The following UBE2E3 variants were observed in gnomAD, a reference collection of about 807,000 sequenced individuals.
UBE2E3 encodes ubiquitin-conjugating enzyme E2 E3.
In UBE2E3, 5 loss-of-function variants were observed where a neutral mutation model predicts 23.6. That is an observed-to-expected ratio of 0.21 (90% confidence interval 0.11 to 0.44). The LOEUF (loss-of-function observed/expected upper bound fraction) is 0.44. Among genes scored for constraint, UBE2E3 ranks in the 20% least tolerant of loss-of-function variants. The pLI is 0.99. For synonymous variants in UBE2E3, 78 were observed against 87.5 expected, an observed-to-expected ratio of 0.89 and a Z score of 0.60; for missense variants, 81 against 249.8, an observed-to-expected ratio of 0.32 and a Z score of 4.55.
intron 3 of UBE2E3, among the ~76,000 whole-genome samples, chr2:181,047,889 G>C (rs1315911993): frequency 6.6e-6 from 1 of 152,118 alleles, no homozygotes; most frequent in African/African-American, 2.4e-5. Context: ...ATAAAGACAA[G>C]TCTCCTTCAT....
At chr2:181,021,019 G>T (rs1034672495) in intron 3 of UBE2E3, among the ~76,000 whole-genome samples, 3 of 152,116 alleles carry the variant, frequency 2.0e-5, no homozygotes, top group African/African-American at 7.2e-5. Flanking sequence ...CTGATGAAAG[G>T]GTTATTACAT....
intron 3 of UBE2E3, among the ~76,000 whole-genome samples, chr2:181,016,863 T>G (rs7574282): frequency 0.23 from 35,364 of 152,126 alleles, 4,480 homozygotes; most frequent in Non-Finnish European, 0.28. Context: ...TCTCCCCTCA[T>G]GGGCAGTGGG....
chr2:181,030,375 AC>A (rs1228823156), intron 3 of UBE2E3, among the ~76,000 whole-genome samples: 1 of 151,976 alleles, frequency 6.6e-6, no homozygotes, highest in African/African-American at 2.4e-5. Context: ...GTGCAGTGGC[AC>A]GATCTCATCT....
Position 180,982,139 on chromosome 2 carries a change from G to C in UBE2E3, c.97G>C (p.Glu33Gln). 6.2e-7 allele frequency: 1 copy of C among 1,613,558 alleles called. No homozygotes were observed. The highest frequency in any genetic ancestry group is 8.5e-7 in the Non-Finnish European group (1 of 1,179,760). The change falls in exon 2 of 6, where the codon GAA (glutamate) becomes CAA (glutamine). Residue 33 changes from glutamate to glutamine, a missense_variant. By Grantham distance (29) the Glu-to-Gln change is conservative. Transcript: ENST00000410062. Reference protein sequence around the residue: ...DQRDPAAPEPEEQEERKPSAT... With the variant: ...DQRDPAAPEPQEQEERKPSAT... Reference sequence around the variant, plus strand: ...GCGAGACCCAGCCGCTCCAGAGCCTGAAGAACAAGAGGAAAGAAAACCTTC... The same window carrying C: ...GCGAGACCCAGCCGCTCCAGAGCCTCAAGAACAAGAGGAAAGAAAACCTTC...
chr2:181,031,869 C>T (rs941450368), intron 3 of UBE2E3, among the ~76,000 whole-genome samples: 9 of 152,158 alleles, frequency 5.9e-5, no homozygotes, highest in African/African-American at 2.2e-4. Context: ...TAATTTTAAT[C>T]AGCTCCTTTC....
chr2:181,008,896 G>C (rs1574177431), intron 3 of UBE2E3, among the ~76,000 whole-genome samples: 1 of 132,406 alleles, frequency 7.6e-6, no homozygotes, highest in Admixed American at 7.5e-5. Flanking sequence ...AGTCAGTCTT[G>C]CAGTATGTGC....
intron 3 of UBE2E3, among the ~76,000 whole-genome samples, chr2:181,047,726 G>C (rs951324908): frequency 2.0e-5 from 3 of 151,950 alleles, no homozygotes; most frequent in Non-Finnish European, 4.4e-5. Flanking sequence ...CTTTCACCCA[G>C]ATTACTGCAG....
At chr2:181,024,030 T>G (rs144466440) in intron 3 of UBE2E3, among the ~76,000 whole-genome samples, 1 of 152,264 alleles carries the variant, frequency 6.6e-6, no homozygotes, top group East Asian at 1.9e-4. Context: ...CTCCCAGTAC[T>G]CATGTTTGTT....
intron 3 of UBE2E3, among the ~76,000 whole-genome samples, chr2:181,006,765 C>T (rs776641536): frequency 3.3e-5 from 5 of 152,136 alleles, no homozygotes; most frequent in Non-Finnish European, 7.4e-5. Flanking sequence ...ACCCAACCTC[C>T]AAACATTTGT....
intron 3 of UBE2E3, among the ~76,000 whole-genome samples, chr2:181,014,864 C>T (rs1330101665): frequency 1.3e-5 from 2 of 152,056 alleles, no homozygotes; most frequent in Non-Finnish European, 1.5e-5. Context: ...TACAGATCTT[C>T]TCTTCGAGCT....
chr2:181,001,945 A>T (rs1203757473), intron 3 of UBE2E3, among the ~76,000 whole-genome samples: 1 of 152,218 alleles, frequency 6.6e-6, no homozygotes, highest in Non-Finnish European at 1.5e-5. Context: ...ATGTGTTTGT[A>T]CATGTCTTTG....
chr2:180,981,299 A>G (rs1425628790), intron 1 of UBE2E3: 1 of 151,700 alleles, frequency 6.6e-6, no homozygotes, highest in East Asian at 1.9e-4. Flanking sequence ...TGGGTTTCTT[A>G]TTTTTTTCGT....
chr2:181,003,160 C>T (rs937726890), intron 3 of UBE2E3, among the ~76,000 whole-genome samples: 11 of 152,122 alleles, frequency 7.2e-5, no homozygotes. Flanking sequence ...TTAGTATTCC[C>T]AGATAGAGGA....
intron 3 of UBE2E3, among the ~76,000 whole-genome samples, chr2:181,009,708 G>C (rs1685260055): frequency 6.6e-6 from 1 of 151,960 alleles, no homozygotes; most frequent in African/African-American, 2.4e-5. Context: ...CTACTTAAGT[G>C]ATAATTGTGA....
At chr2:181,030,908 A>G (rs1212154941) in intron 3 of UBE2E3, among the ~76,000 whole-genome samples, 1 of 152,116 alleles carries the variant, frequency 6.6e-6, no homozygotes, top group East Asian at 1.9e-4. Context: ...AAAATTTAAA[A>G]AAAATTTTAG....
At chr2:181,030,456 T>C (rs1446458871) in intron 3 of UBE2E3, among the ~76,000 whole-genome samples, 1 of 152,296 alleles carries the variant, frequency 6.6e-6, no homozygotes, top group East Asian at 1.9e-4. Flanking sequence ...TATTATCTTT[T>C]TTCAATATGA....
At chr2:180,986,514 C>G (rs1166669934) in intron 3 of UBE2E3, among the ~76,000 whole-genome samples, 2 of 152,052 alleles carry the variant, frequency 1.3e-5, no homozygotes, top group Non-Finnish European at 2.9e-5. Flanking sequence ...CTGTGACAGA[C>G]TGTGGTGTTA....
chr2:180,982,067 G>A lies in UBE2E3; in HGVS notation c.25G>A (p.Asp9Asn). The A allele has an allele frequency of 6.2e-7, 1 of 1,605,890 alleles. No individual in the cohort carries two copies. ...GATGTCCAGTGATAGGCAAAGGTCC[G>A]ATGATGAGAGCCCCAGCACCAGCAG... is the stretch of plus-strand genomic sequence containing the variant. MSSDRQRS[D>N]DESPSTSSGS... Residue 9 changes from aspartate (D) to asparagine (N), a missense_variant, in exon 2 of 6, where the codon GAT becomes AAT. Physicochemically the swap from Asp to Asn is conservative, Grantham distance 23. Transcript: ENST00000410062.
In UBE2E3 at chr2:180,980,759, G is replaced by C. The variant is rs2105556782; in HGVS notation, c.-240G>C. On this transcript the variant is annotated 5_prime_UTR_variant, in exon 1 of 6. Coordinates refer to ENST00000410062, the MANE Select transcript of UBE2E3 (RefSeq NM_006357.4). The surrounding 1 kb of genome is among the most constrained non-coding windows in gnomAD (Gnocchi z 5.5). Reference sequence around the variant, plus strand: ...ACCCCCGCTTTTTTCCGAAGGCGCTGGGCGGCGCCACCCTCCGGCCGGAGC... The same window carrying C: ...ACCCCCGCTTTTTTCCGAAGGCGCTCGGCGGCGCCACCCTCCGGCCGGAGC... 6.7e-6 allele frequency: 1 copy of C among 149,082 alleles called. No homozygotes were observed. Among genetic ancestry groups the C allele is most frequent in the East Asian group, 2.0e-4 (1 of 5,070 alleles). 9.2% of individuals were successfully genotyped at this position (149,082 alleles called of 1,614,324 possible).
Sources: allele counts gnomAD v4.1 joint callset (sites outside exome capture counted in the v4.1 genomes callset), GRCh38; gene constraint gnomAD v4.1.1; non-coding constraint Gnocchi (gnomAD v3.1); transcripts MANE v1.5; gene names NCBI Gene and HGNC (gene_info 2026-07-23, HGNC 2026-07-21).